The following SH3PXD2A variants were observed in gnomAD, a reference collection of about 807,000 sequenced individuals.
SH3PXD2A encodes the protein SH3 and PX domains 2A, also known as SH3 and PX domain-containing protein 2A.
A neutral mutation model predicts 115.2 loss-of-function variants in SH3PXD2A; 32 were observed. The ratio of observed to expected loss-of-function variants is 0.28; its 90% confidence interval spans 0.21 to 0.37. The LOEUF (loss-of-function observed/expected upper bound fraction) is 0.37, where lower values mean the gene tolerates loss of function less well. Ranked by LOEUF, SH3PXD2A falls within the 10% of genes least tolerant of loss-of-function variation. SH3PXD2A has a pLI of 1.00. For missense variants in SH3PXD2A, 1,328 were observed against 1,498.7 expected (o/e 0.89, Z 1.88); for synonymous variants, 610 against 629.1 (o/e 0.97, Z 0.45).
chr10:103,635,890 G>A (rs757810666), intron 8 of SH3PXD2A, among the ~76,000 whole-genome samples: 14 of 152,208 alleles, frequency 9.2e-5, no homozygotes, highest in Non-Finnish European at 2.1e-4. Flanking sequence ...AGGGGCTGAG[G>A]AGAGGAGGCA....
At chr10:103,854,476 T>A (rs1033555809) in intron 1 of SH3PXD2A, among the ~76,000 whole-genome samples, 1 of 151,988 alleles carries the variant, frequency 6.6e-6, no homozygotes, top group Non-Finnish European at 1.5e-5. Flanking sequence ...CATTAAAGTT[T>A]GGGGGAGGAA....
chr10:103,760,700 A>AG (rs1185956217), intron 3 of SH3PXD2A, among the ~76,000 whole-genome samples: 16 of 152,016 alleles, frequency 1.1e-4, no homozygotes, highest in African/African-American at 3.9e-4. Context: ...TTTAATCAAA[A>AG]GAGAGCTGGA....
chr10:103,612,001 CATA>C (rs1383366649), intron 12 of SH3PXD2A, among the ~76,000 whole-genome samples: 24 of 152,218 alleles, frequency 1.6e-4, no homozygotes, highest in Admixed American at 1.4e-3. Flanking sequence ...TAGAAGCTAG[CATA>C]ATGCCAGGCA....
intron 2 of SH3PXD2A, among the ~76,000 whole-genome samples, chr10:103,785,200 C>T (rs1264533326): frequency 3.3e-5 from 5 of 152,258 alleles, no homozygotes; most frequent in Non-Finnish European, 4.4e-5. Context: ...CAGCCTGTCC[C>T]TGCAAGAGCC....
chr10:103,823,476 G>A (rs1232389382), intron 1 of SH3PXD2A, among the ~76,000 whole-genome samples: 1 of 152,208 alleles, frequency 6.6e-6, no homozygotes, highest in Non-Finnish European at 1.5e-5. Context: ...TGGCAACTGA[G>A]GCACAGAGGG....
In SH3PXD2A at chr10:103,606,222, T is replaced by TC. The variant is rs759592763; in HGVS notation, c.1309-306_1309-305insG. The stretch of plus-strand genomic sequence containing the variant: ...TCATCATCATCATCATCATCATCAT[T>TC]ACTCTGAGATAGGGTCTTGCTTTGG... On this transcript the variant is annotated intron_variant, in intron 13 of 14. Transcript: ENST00000369774. Among the ~76,000 whole-genome samples the TC allele has an allele frequency of 5.9e-3, 842 of 142,262 alleles. 3 individuals are homozygous for TC. The highest frequency in any genetic ancestry group is 0.018 in the Middle Eastern group (5 of 280). The allele number at this position is 142,262 out of a possible 152,430, so 93.3% of individuals were successfully genotyped here. A position where few individuals can be genotyped will look rare whatever the true frequency, so the allele number is the denominator to read the frequency against.
At chr10:103,643,138 A>T (rs1294382253) in intron 8 of SH3PXD2A, among the ~76,000 whole-genome samples, 1 of 152,212 alleles carries the variant, frequency 6.6e-6, no homozygotes, top group African/African-American at 2.4e-5. Context: ...CTCTCTGACA[A>T]CGTGGATTCT....
intron 5 of SH3PXD2A, among the ~76,000 whole-genome samples, chr10:103,715,546 G>C (rs2038095601): frequency 6.6e-6 from 1 of 152,176 alleles, no homozygotes; most frequent in South Asian, 2.1e-4. Flanking sequence ...GAGGGTGTAT[G>C]ACTCAGTGCC....
At chr10:103,731,974 G>A (rs2038324892) in intron 4 of SH3PXD2A, among the ~76,000 whole-genome samples, 1 of 152,110 alleles carries the variant, frequency 6.6e-6, no homozygotes. Flanking sequence ...TACAAAGAAA[G>A]CCATTGATCC....
chr10:103,604,284 C>G (rs907250551), intron 14 of SH3PXD2A, among the ~76,000 whole-genome samples: 1 of 152,202 alleles, frequency 6.6e-6, no homozygotes, highest in African/African-American at 2.4e-5. Flanking sequence ...AGGCCCGAGG[C>G]CAGAGCCTCT....
chr10:103,645,181 G>T (rs1337641929), intron 8 of SH3PXD2A, among the ~76,000 whole-genome samples: 1 of 152,170 alleles, frequency 6.6e-6, no homozygotes, highest in Non-Finnish European at 1.5e-5. Context: ...GAGGACATAG[G>T]CCGAATCTTG....
intron 11 of SH3PXD2A, among the ~76,000 whole-genome samples, chr10:103,615,864 G>A (rs998595426): frequency 3.9e-5 from 6 of 152,080 alleles, no homozygotes; most frequent in African/African-American, 1.4e-4. Flanking sequence ...ATGGCTGGTG[G>A]GTGATTGGGT....
intron 7 of SH3PXD2A, among the ~76,000 whole-genome samples, chr10:103,667,800 C>G (rs2037403971): frequency 6.6e-6 from 1 of 152,188 alleles, no homozygotes; most frequent in African/African-American, 2.4e-5. Context: ...ATGGAGGGGT[C>G]CCATAGAAGA....
chr10:103,745,206 G>T (rs190064050), intron 3 of SH3PXD2A, among the ~76,000 whole-genome samples: 3 of 152,386 alleles, frequency 2.0e-5, no homozygotes, highest in Non-Finnish European at 4.4e-5. Context: ...AGAGAATTAA[G>T]TCAACAGAAA....
chr10:103,787,273 C>T (rs2038989442), intron 2 of SH3PXD2A, among the ~76,000 whole-genome samples: 2 of 152,202 alleles, frequency 1.3e-5, no homozygotes, highest in Non-Finnish European at 2.9e-5. Context: ...CTTGACTACA[C>T]AGCCAAGAAA....
chr10:103,629,310 C>T (rs938018781), intron 8 of SH3PXD2A, among the ~76,000 whole-genome samples: 6 of 152,182 alleles, frequency 3.9e-5, no homozygotes, highest in Non-Finnish European at 5.9e-5. Flanking sequence ...GGGCAGCAGC[C>T]GCTGGCAGGT....
chr10:103,717,654 T>G (rs2038121637), intron 5 of SH3PXD2A, among the ~76,000 whole-genome samples: 1 of 152,228 alleles, frequency 6.6e-6, no homozygotes, highest in South Asian at 2.1e-4. Flanking sequence ...GTTCCTAGCG[T>G]TCGTTTCAAA....
chr10:103,640,057 G>A (rs1029520213), intron 8 of SH3PXD2A, among the ~76,000 whole-genome samples: 4 of 152,226 alleles, frequency 2.6e-5, no homozygotes, highest in Non-Finnish European at 5.9e-5. Flanking sequence ...GCTCACGCCT[G>A]TAATCCCAGC....
intron 2 of SH3PXD2A, among the ~76,000 whole-genome samples, chr10:103,772,282 C>T (rs2038831281): frequency 6.6e-6 from 1 of 152,198 alleles, no homozygotes; most frequent in Non-Finnish European, 1.5e-5. Flanking sequence ...ATTTGCAGGG[C>T]TAGTTTCCAC....
Sources: gnomAD v4.1 joint callset for allele counts (sites outside exome capture counted in the v4.1 genomes callset) on GRCh38, gnomAD v4.1.1 for gene constraint, MANE v1.5 for transcripts, NCBI Gene and HGNC (gene_info 2026-07-23, HGNC 2026-07-21) for gene names.